Variants in TMPRSS11A observed in about 807,000 individuals in gnomAD.
TMPRSS11A encodes the protein transmembrane serine protease 11A.
Under a neutral mutation model 58.9 loss-of-function variants are expected in TMPRSS11A, and 53 were observed. The ratio of observed to expected loss-of-function variants is 0.90; its 90% CI spans 0.72 to 1.13. The LOEUF is 1.13. TMPRSS11A is among the 50% of genes most tolerant of loss of function. TMPRSS11A has a pLI of 0.00. For synonymous variants in TMPRSS11A, 167 were observed against 169.8 expected (o/e 0.98, Z 0.13); for missense variants, 493 against 499.3 (o/e 0.99, Z 0.12).
At chr4:67,955,266 A>C (rs1721258419) in intron 1 of TMPRSS11A, among the ~76,000 whole-genome samples, 1 of 152,220 alleles carries the variant, frequency 6.6e-6, no homozygotes, top group African/African-American at 2.4e-5. Flanking sequence ...TAAAGGGTTG[A>C]GCCACAAAGT....
intron 1 of TMPRSS11A, among the ~76,000 whole-genome samples, chr4:67,947,988 T>C (rs1350634355): frequency 1.3e-5 from 2 of 152,186 alleles, no homozygotes; most frequent in Non-Finnish European, 2.9e-5. Flanking sequence ...CTTGCTATTA[T>C]AGTGAATTTT....
intron 9 of TMPRSS11A, among the ~76,000 whole-genome samples, chr4:67,912,997 T>TTTG (rs1261221760): frequency 2.0e-5 from 3 of 152,212 alleles, no homozygotes; most frequent in Non-Finnish European, 2.9e-5. Context: ...CTGTGTCTTT[T>TTTG]TTGTTGTTGT....
At chr4:67,944,733 T>C in intron 2 of TMPRSS11A, 96 bp from the exon 3 acceptor site, 2 of 938,962 alleles carry the variant, frequency 2.1e-6, no homozygotes, top group African/African-American at 1.7e-5. Flanking sequence ...AATATGTCCC[T>C]GAGCCTCTTC....
intron 9 of TMPRSS11A, 45 bp downstream of exon 9, chr4:67,914,543 T>C: frequency 1.3e-6 from 2 of 1,572,618 alleles, no homozygotes; most frequent in Non-Finnish European, 8.7e-7. Flanking sequence ...CTGAGCCAGA[T>C]ACAAATTTTT....
chr4:67,933,311 A>G (rs774005880), intron 3 of TMPRSS11A, among the ~76,000 whole-genome samples: 6 of 152,300 alleles, frequency 3.9e-5, no homozygotes, highest in South Asian at 2.1e-4. Flanking sequence ...GCATTATGTG[A>G]ATTTCCCTGG....
In TMPRSS11A at chr4:67,919,260, A is replaced by C. The variant is rs780088862; in HGVS notation, c.693-28T>G. The C allele has an allele frequency of 3.1e-6, 5 of 1,604,666 alleles. No homozygotes were observed. The South Asian group carries it at 4.4e-5, about 14-fold the overall frequency. On this transcript the variant is annotated intron_variant, in intron 7 of 9. Transcript: ENST00000508048. ...GGAAAAGGTTAGAAATTAACAGAAT[A>C]TATATAAGCTGCCCAAAGTATATGA...
At chr4:67,947,353 T>C (rs948539638) in intron 1 of TMPRSS11A, among the ~76,000 whole-genome samples, 1 of 152,220 alleles carries the variant, frequency 6.6e-6, no homozygotes, top group African/African-American at 2.4e-5. Context: ...TTGTTTGTTA[T>C]GCCTTTTTAA....
At chr4:67,916,437 T>C (rs1477176012) in intron 8 of TMPRSS11A, among the ~76,000 whole-genome samples, 1 of 151,460 alleles carries the variant, frequency 6.6e-6, no homozygotes, top group Non-Finnish European at 1.5e-5. Context: ...TTCAAATTAT[T>C]CTGTTATTTG....
At chr4:67,940,703 G>A (rs1461102335) in intron 3 of TMPRSS11A, among the ~76,000 whole-genome samples, 1 of 152,152 alleles carries the variant, frequency 6.6e-6, no homozygotes, top group East Asian at 1.9e-4. Flanking sequence ...CATAGTAAGG[G>A]TTTTGTGTCC....
At chr4:67,913,312 C>T (rs1560561413) in intron 9 of TMPRSS11A, among the ~76,000 whole-genome samples, 1 of 152,138 alleles carries the variant, frequency 6.6e-6, no homozygotes, top group African/African-American at 2.4e-5. Context: ...TGGAGAAAGA[C>T]GAGGTGTTGG....
chr4:67,935,146 C>T (rs1335455056), intron 3 of TMPRSS11A, among the ~76,000 whole-genome samples: 1 of 152,132 alleles, frequency 6.6e-6, no homozygotes, highest in Non-Finnish European at 1.5e-5. Flanking sequence ...GGTTTCATTG[C>T]CACAAGGATT....
chr4:67,922,643 CT>C lies in TMPRSS11A; in HGVS notation c.692+111del, dbSNP rs147900215. 6.6e-3 allele frequency: 7,062 copies of C among 1,072,434 alleles called. 310 individuals carry two copies. In the African/African-American group the frequency reaches 0.1, roughly 15 times the overall value. The allele number at this position is 1,072,434 out of a possible 1,614,324, so 66.4% of individuals were successfully genotyped here. On this transcript the variant is annotated intron_variant, in intron 7 of 9. Transcript: ENST00000508048. ...TATTTTAGAAAAGAACCTGAAATAACTTTTTCTTATTTTACTTCAGTAATAT... is the reference window on the plus strand; with the variant it reads ...TATTTTAGAAAAGAACCTGAAATAACTTTTCTTATTTTACTTCAGTAATAT...
At chr4:67,947,909 C>T (rs1464578453) in intron 1 of TMPRSS11A, among the ~76,000 whole-genome samples, 1 of 152,124 alleles carries the variant, frequency 6.6e-6, no homozygotes, top group African/African-American at 2.4e-5. Flanking sequence ...CAGGAAATAA[C>T]ACAGGATGAG....
intron 1 of TMPRSS11A, among the ~76,000 whole-genome samples, chr4:67,962,793 A>C (rs1721469882): frequency 6.6e-6 from 1 of 152,224 alleles, no homozygotes; most frequent in Non-Finnish European, 1.5e-5. Flanking sequence ...CAAATAATTC[A>C]TGTATTTTTT....
rs75561162 is a variant in TMPRSS11A at position 67,949,429 on chromosome 4, T to C, written c.12-2858A>G. Among the ~76,000 whole-genome samples, 464 of 152,316 alleles carry C rather than the reference T, an allele frequency of 3.0e-3. 5 individuals are homozygous for C. Among genetic ancestry groups the C allele is most frequent in the African/African-American group, 0.011 (456 of 41,572 alleles). ...TCCTTTTGAGGAAACATTTAGATAA[T>C]ATAGCAGATGCGCACTGCCAGATTA... On this transcript the variant is annotated intron_variant, in intron 1 of 9. Transcript: ENST00000508048.
rs1254864844 is a variant in TMPRSS11A at position 67,910,771 on chromosome 4, T to G, written c.*571A>C. On this transcript the variant is annotated 3_prime_UTR_variant, in exon 10 of 10. Transcript: ENST00000508048. ...TTTATAACTAAAAAAAGTTAGAAGA[T>G]CTCTGGCTTGTTTTACTATCAGACT... is the stretch of plus-strand genomic sequence containing the variant. The G allele has an allele frequency of 6.6e-6, 1 of 152,012 alleles. No individual in the cohort carries two copies. Among genetic ancestry groups the G allele is most frequent in the Non-Finnish European group, 1.5e-5 (1 of 67,952 alleles). 9.4% of individuals were successfully genotyped at this position (152,012 alleles called of 1,614,324 possible).
Position 67,910,850 on chromosome 4 carries a change from G to A in TMPRSS11A, c.*492C>T, listed in dbSNP as rs1369746507. 6.6e-6 allele frequency: 1 copy of A among 152,054 alleles called. No homozygotes were observed. The highest frequency in any genetic ancestry group is 1.9e-4 in the East Asian group (1 of 5,182). 9.4% of individuals were successfully genotyped at this position (152,054 alleles called of 1,614,324 possible). On this transcript the variant is annotated 3_prime_UTR_variant, in exon 10 of 10. Transcript: ENST00000508048. Reference sequence around the variant, plus strand: ...TGGTGTCTCTCAAATGGGTGTAGAAGTAGAAAATTCATTTCTTATGGTGGA... The same window carrying A: ...TGGTGTCTCTCAAATGGGTGTAGAAATAGAAAATTCATTTCTTATGGTGGA...
Position 67,946,479 on chromosome 4 carries a change from A to G in TMPRSS11A, c.104T>C (p.Ile35Thr), listed in dbSNP as rs769174578. Residue 35 changes from isoleucine to threonine, a missense_variant, in exon 2 of 10, where the codon ATA (isoleucine) becomes ACA (threonine). Coordinates refer to ENST00000508048, the MANE Select transcript of TMPRSS11A (RefSeq NM_001114387.2). ...VLSLTVVAVT[I>T]GLLVHFLVFD... ...TACTAGGAAGTGAACCAGGAGACCT[A>G]TGGTCACTGCCACCACTGTCAGGGA... The G allele has an allele frequency of 3.1e-6, 5 of 1,608,442 alleles. No individual in the cohort carries two copies. Among genetic ancestry groups the G allele is most frequent in the East Asian group, 4.5e-5 (2 of 44,336 alleles).
In TMPRSS11A at chr4:67,929,948, C is replaced by T. The variant is rs148587354; in HGVS notation, c.413G>A (p.Ser138Asn). 1.2e-6 allele frequency: 2 copies of T among 1,613,828 alleles called. No homozygotes were observed. The highest frequency in any genetic ancestry group is 1.7e-6 in the Non-Finnish European group (2 of 1,179,804). ...QRAVREKKIQSILNQKIRNLR... is the reference protein window; with the variant it reads ...QRAVREKKIQNILNQKIRNLR... ...ATTCCTTATCTTCTGATTTAAGATG[C>T]TTTGGATTTTCTTCTCTCTTACTGC... Residue 138 changes from serine to asparagine, a missense_variant, in exon 5 of 10, where the codon AGC (serine) becomes AAC (asparagine). Ser to Asn is a conservative substitution (Grantham distance 46). Transcript: ENST00000508048.
Sources: gnomAD v4.1 joint callset for allele counts (sites outside exome capture counted in the v4.1 genomes callset) on GRCh38, gnomAD v4.1.1 for gene constraint, MANE v1.5 for transcripts, NCBI Gene and HGNC (gene_info 2026-07-23, HGNC 2026-07-21) for gene names.